Variants in SMARCA2 observed in about 807,000 individuals in gnomAD.
The protein encoded by SMARCA2 is SWI/SNF-related matrix-associated actin-dependent regulator of chromatin subfamily A member 2.
In SMARCA2, 61 loss-of-function variants were observed where a neutral mutation model predicts 199.8. The ratio of observed to expected loss-of-function variants is 0.31; its 90% CI spans 0.25 to 0.38. The LOEUF (loss-of-function observed/expected upper bound fraction) is 0.38. Among genes scored for constraint, SMARCA2 ranks in the 10% least tolerant of loss-of-function variants. SMARCA2 has a pLI of 1.00. For missense variants in SMARCA2, 1,344 were observed against 2,012.2 expected (o/e 0.67, Z 6.35); for synonymous variants, 935 against 732.0 (o/e 1.28, Z -4.48).
intron 19 of SMARCA2, among the ~76,000 whole-genome samples, chr9:2,088,928 G>A (rs1821928193): frequency 7.1e-6 from 1 of 140,634 alleles, no homozygotes; most frequent in South Asian, 2.2e-4. Context: ...ACTGTTGCAG[G>A]CACTGTAGAA....
At chr9:2,027,250 T>G (rs1253407914) in intron 1 of SMARCA2, among the ~76,000 whole-genome samples, 1 of 151,908 alleles carries the variant, frequency 6.6e-6, no homozygotes, top group East Asian at 1.9e-4. Context: ...AAGACCAGCC[T>G]GGGCAATATA....
chr9:2,073,512 G>C lies in SMARCA2; in HGVS notation c.1878-54G>C, dbSNP rs887760626. ...CTATTAAGTCATGTGTGTCTTTATT[G>C]TATTGTAATTTAAAAAACTAAGCCC... On this transcript the variant is annotated intron_variant, in intron 11 of 33. Coordinates refer to ENST00000349721, the MANE Select transcript of SMARCA2 (RefSeq NM_003070.5). 3 of 1,508,980 alleles carry C rather than the reference G, an allele frequency of 2.0e-6. No homozygotes were observed. In the Admixed American group the frequency reaches 5.4e-5, roughly 27 times the overall value. The allele number at this position is 1,508,980 out of a possible 1,614,324, so 93.5% of individuals were successfully genotyped here.
chr9:2,157,740 G>T, intron 27 of SMARCA2: 1 of 392,558 alleles, frequency 2.5e-6, no homozygotes, highest in Non-Finnish European at 4.5e-6. Flanking sequence ...TTGTTTGCGT[G>T]TCCCTGTTTA....
intron 21 of SMARCA2, among the ~76,000 whole-genome samples, chr9:2,098,411 A>G (rs562685003): frequency 1.3e-5 from 2 of 152,340 alleles, no homozygotes; most frequent in East Asian, 3.9e-4. Flanking sequence ...TGTACATGTC[A>G]GGTCAGAGTA....
intron 5 of SMARCA2, 123 bp from the exon 6 acceptor site, chr9:2,054,474 C>T (rs1282251011): frequency 2.6e-6 from 3 of 1,164,340 alleles, no homozygotes; most frequent in Non-Finnish European, 3.7e-6. Flanking sequence ...TAGAGATCAA[C>T]TATCAGTATC....
chr9:2,129,397 G>A (rs764256105), intron 27 of SMARCA2, among the ~76,000 whole-genome samples: 8 of 152,128 alleles, frequency 5.3e-5, no homozygotes, highest in African/African-American at 1.2e-4. Flanking sequence ...CTGCCTGGGC[G>A]ACACAGCGAG....
At chr9:2,175,885 T>TGTTG (rs1471213367) in intron 29 of SMARCA2, among the ~76,000 whole-genome samples, 1 of 152,068 alleles carries the variant, frequency 6.6e-6, no homozygotes, top group East Asian at 1.9e-4. Context: ...TTTGTTTGTT[T>TGTTG]GTTTGTTTTT....
chr9:2,141,147 G>A (rs903618808), intron 27 of SMARCA2, among the ~76,000 whole-genome samples: 1 of 139,752 alleles, frequency 7.2e-6, no homozygotes, highest in Non-Finnish European at 1.5e-5. Flanking sequence ...ATTCCCATAG[G>A]ATTTTCAGGA....
intron 27 of SMARCA2, among the ~76,000 whole-genome samples, chr9:2,126,219 T>G (rs1352895892): frequency 6.6e-6 from 1 of 152,256 alleles, no homozygotes; most frequent in Non-Finnish European, 1.5e-5. Context: ...TGAAAATTGG[T>G]TTTTATAATT....
chr9:2,145,881 A>T (rs1020742832), intron 27 of SMARCA2, among the ~76,000 whole-genome samples: 7 of 152,186 alleles, frequency 4.6e-5, no homozygotes, highest in Non-Finnish European at 1.0e-4. Context: ...GTGGAATGGG[A>T]GTTGATCACT....
chr9:2,049,121 A>C (rs1393531670), intron 5 of SMARCA2, among the ~76,000 whole-genome samples: 1 of 152,192 alleles, frequency 6.6e-6, no homozygotes, highest in African/African-American at 2.4e-5. Context: ...AACTATGTGA[A>C]CTACCCTTAG....
intron 31 of SMARCA2, among the ~76,000 whole-genome samples, chr9:2,185,393 AGTTGCTTATC>A (rs1827366470): frequency 6.6e-6 from 1 of 152,194 alleles, no homozygotes; most frequent in Non-Finnish European, 1.5e-5. Flanking sequence ...TATAGACTAT[AGTTGCTTATC>A]CACTCATTTG....
At chr9:2,158,963 T>C (rs770973560) in intron 27 of SMARCA2, 1 of 1,612,322 alleles carries the variant, frequency 6.2e-7, no homozygotes, top group Non-Finnish European at 8.5e-7. Context: ...AAAACCTTAG[T>C]TTGAGGGGAA....
chr9:2,182,041 TGTG>T, intron 30 of SMARCA2, 97 bp from the exon 31 acceptor site: 2 of 835,590 alleles, frequency 2.4e-6, no homozygotes. Flanking sequence ...GGCTTTATGC[TGTG>T]AAGACAAAGG....
At chr9:2,047,995 T>G (rs965346269) in intron 5 of SMARCA2, 2 of 152,172 alleles carry the variant, frequency 1.3e-5, no homozygotes, top group Admixed American at 1.3e-4. Flanking sequence ...ATTCAGCCAT[T>G]TAGCAGAATC....
intron 5 of SMARCA2, 132 bp from the exon 6 acceptor site, chr9:2,054,465 A>C: frequency 7.0e-5 from 74 of 1,054,466 alleles, no homozygotes; most frequent in East Asian, 9.7e-5. Context: ...GTTGGGTGTT[A>C]GAGATCAACT....
chr9:2,158,936 T>G lies in SMARCA2; in HGVS notation c.3982-2750T>G, dbSNP rs142922426. On this transcript the variant is annotated intron_variant, in intron 27 of 33. Coordinates refer to ENST00000349721, the MANE Select transcript of SMARCA2 (RefSeq NM_003070.5). ...GGGAGGAGGGAAGATGTTTTGTAGC[T>G]CTCTGCATTCCTGCATAAAACCTTA... The G allele has an allele frequency of 1.9e-6, 3 of 1,611,554 alleles. No homozygotes were observed. The East Asian group carries it at 6.7e-5, about 36-fold the overall frequency.
chr9:2,186,127 T>C lies in SMARCA2; in HGVS notation c.4493T>C (p.Val1498Ala). The change falls in exon 32 of 34, where the codon GTG becomes GCG. Residue 1498 changes from valine to alanine, a missense_variant. Val to Ala is a moderately conservative substitution (Grantham distance 64). Coordinates refer to ENST00000349721, the MANE Select transcript of SMARCA2 (RefSeq NM_003070.5). Reference protein sequence around the residue: ...IYEDSIVLQSVFKSARQKIAK... With the variant: ...IYEDSIVLQSAFKSARQKIAK... ...GAAGACTCCATCGTCTTACAGTCAG[T>C]GTTTAAGAGTGCCCGGCAGAAAATT... is the stretch of plus-strand genomic sequence containing the variant. 1 of 1,614,052 alleles carries C rather than the reference T, an allele frequency of 6.2e-7. No homozygotes were observed.
chr9:2,083,260 G>A (rs17655758), intron 15 of SMARCA2, 87 bp from the exon 16 acceptor site: 2 of 797,544 alleles, frequency 2.5e-6, no homozygotes, highest in African/African-American at 3.5e-5. Flanking sequence ...TTCAAGGTGA[G>A]GCCTGAACAT....
Sources: allele counts gnomAD v4.1 joint callset (sites outside exome capture counted in the v4.1 genomes callset), GRCh38; gene constraint gnomAD v4.1.1; transcripts MANE v1.5; gene names NCBI Gene and HGNC (gene_info 2026-07-23, HGNC 2026-07-21).